SUCLA2: variants seen among roughly 807,000 people sequenced by gnomAD.
SUCLA2 encodes succinate-CoA ligase ADP-forming subunit beta.
A neutral mutation model predicts 54.8 loss-of-function variants in SUCLA2; 30 were observed. That is an observed-to-expected ratio of 0.55 (90% CI 0.41 to 0.74). The LOEUF is 0.74. Among genes scored for constraint, SUCLA2 ranks in the 30% least tolerant of loss-of-function variants. The pLI, the probability that SUCLA2 is intolerant of heterozygous loss-of-function variation, is 0.00. For missense variants in SUCLA2, 476 were observed against 562.9 expected, an observed-to-expected ratio of 0.85 and a Z score of 1.56; for synonymous variants, 172 against 188.9, an observed-to-expected ratio of 0.91 and a Z score of 0.74.
At chr13:47,996,461 T>A (rs1566093795) in intron 2 of SUCLA2, among the ~76,000 whole-genome samples, 2 of 152,088 alleles carry the variant, frequency 1.3e-5, no homozygotes, top group Non-Finnish European at 2.9e-5. Context: ...CCTCTCCTTA[T>A]AAGCACATAA....
intron 6 of SUCLA2, among the ~76,000 whole-genome samples, chr13:47,963,446 C>T (rs1010047858): frequency 1.3e-5 from 2 of 152,040 alleles, no homozygotes; most frequent in Admixed American, 6.6e-5. Flanking sequence ...GAGTTTGAGA[C>T]CAGCCTGGCT....
chr13:47,992,605 T>TAGAGG (rs1180438193), intron 2 of SUCLA2, among the ~76,000 whole-genome samples: 1 of 152,214 alleles, frequency 6.6e-6, no homozygotes, highest in Non-Finnish European at 1.5e-5. Flanking sequence ...TCATAGAACC[T>TAGAGG]GCAGTCTTAT....
rs897773339 is a variant in SUCLA2 at position 48,000,985 on chromosome 13, G to T, written c.90+195C>A. ...GGGATCCTCGCGGACTAAGGGCTGG[G>T]TCAGAGCCGCGCAAACATGGGCTCG... On this transcript the variant is annotated intron_variant, in intron 1 of 10. Transcript: ENST00000646932. 1.0e-5 allele frequency: 15 copies of T among 1,443,596 alleles called. No homozygotes were observed. The African/African-American group carries it at 1.8e-4, about 18-fold the overall frequency. 89.4% of individuals were successfully genotyped at this position (1,443,596 alleles called of 1,614,324 possible).
At chr13:47,994,058 C>A (rs368038518) in intron 2 of SUCLA2, among the ~76,000 whole-genome samples, 272 of 130,996 alleles carry the variant, frequency 2.1e-3, no homozygotes, top group East Asian at 3.1e-3. Flanking sequence ...AACTCCGTCT[C>A]AAAAAAAAAA....
Position 47,943,287 on chromosome 13 carries a change from A to T in SUCLA2, c.*84T>A. 1 of 1,392,158 alleles carries T rather than the reference A, an allele frequency of 7.2e-7. No homozygotes were observed. Among genetic ancestry groups the T allele is most frequent in the Non-Finnish European group, 1.0e-6 (1 of 980,164 alleles). The allele number at this position is 1,392,158 out of a possible 1,614,324, so 86.2% of individuals were successfully genotyped here. A position where few individuals can be genotyped will look rare whatever the true frequency, so the allele number is the denominator to read the frequency against. On this transcript the variant is annotated 3_prime_UTR_variant, in exon 11 of 11. Transcript: ENST00000646932. ...CAATTACAATCTCCACACACTAAAA[A>T]GAAAAAGAACAATAACACAGAACAC... is the stretch of plus-strand genomic sequence containing the variant.
intron 4 of SUCLA2, among the ~76,000 whole-genome samples, chr13:47,985,061 C>T (rs1950090370): frequency 6.6e-6 from 1 of 152,166 alleles, no homozygotes; most frequent in Admixed American, 6.5e-5. Flanking sequence ...AGAGTAGGTA[C>T]TTGAATTCAC....
chr13:47,999,391 G>A (rs1950211860), intron 1 of SUCLA2, among the ~76,000 whole-genome samples: 1 of 152,180 alleles, frequency 6.6e-6, no homozygotes, highest in African/African-American at 2.4e-5. Flanking sequence ...AGAAATTGGA[G>A]GAGGGTCAGA....
rs1950197800 is a variant in SUCLA2 at position 47,997,101 on chromosome 13, T to C, written c.91-78A>G. 4.1e-6 allele frequency: 6 copies of C among 1,460,208 alleles called. No individual in the cohort carries two copies. In the South Asian group the frequency reaches 6.9e-5, roughly 17 times the overall value. The allele number at this position is 1,460,208 out of a possible 1,614,324, so 90.5% of individuals were successfully genotyped here. A position where few individuals can be genotyped will look rare whatever the true frequency, so the allele number is the denominator to read the frequency against. ...TGCTAACTACTTGGTTCTTCATAAC[T>C]ATAACAAAACTGTTACATTACATTA... On this transcript the variant is annotated intron_variant, in intron 1 of 10. Coordinates refer to ENST00000646932, the MANE Select transcript of SUCLA2 (RefSeq NM_003850.3).
At chr13:47,974,609 A>G (rs1949993797) in intron 4 of SUCLA2, among the ~76,000 whole-genome samples, 1 of 152,164 alleles carries the variant, frequency 6.6e-6, no homozygotes, top group Admixed American at 6.6e-5. Context: ...AATACAATAA[A>G]TAAAAGAGAG....
intron 4 of SUCLA2, among the ~76,000 whole-genome samples, chr13:47,984,346 AC>A (rs1474763960): frequency 7.2e-6 from 1 of 139,502 alleles, no homozygotes; most frequent in Non-Finnish European, 1.6e-5. Context: ...GGCACCCCCC[AC>A]CACGCCCAGC....
At chr13:47,991,413 G>GCC (rs1950148116) in intron 2 of SUCLA2, 1 of 152,176 alleles carries the variant, frequency 6.6e-6, no homozygotes, top group African/African-American at 2.4e-5. Flanking sequence ...TGTGGGAAAA[G>GCC]CCCCCGATCC....
intron 8 of SUCLA2, among the ~76,000 whole-genome samples, chr13:47,951,920 A>G (rs1340326896): frequency 1.3e-5 from 2 of 151,636 alleles, no homozygotes; most frequent in Non-Finnish European, 2.9e-5. Context: ...GCAAGAAAAC[A>G]TACACCACAA....
chr13:47,970,644 G>A (rs1252343158), intron 5 of SUCLA2, among the ~76,000 whole-genome samples: 1 of 151,924 alleles, frequency 6.6e-6, no homozygotes, highest in Non-Finnish European at 1.5e-5. Context: ...GGCAGATCAT[G>A]AAGTTAGGAG....
chr13:47,953,931 G>C (rs1462177602), intron 8 of SUCLA2, among the ~76,000 whole-genome samples: 1 of 151,822 alleles, frequency 6.6e-6, no homozygotes, highest in African/African-American at 2.4e-5. Flanking sequence ...TATAATGACA[G>C]ATTACACAAA....
At chr13:47,983,096 G>A (rs558667051) in intron 4 of SUCLA2, among the ~76,000 whole-genome samples, 1 of 151,840 alleles carries the variant, frequency 6.6e-6, no homozygotes, top group South Asian at 2.1e-4. Flanking sequence ...TGGGCACTTA[G>A]TATTAGAACT....
intron 4 of SUCLA2, among the ~76,000 whole-genome samples, chr13:47,982,212 A>C (rs1242037092): frequency 6.6e-6 from 1 of 152,222 alleles, no homozygotes; most frequent in Non-Finnish European, 1.5e-5. Flanking sequence ...GTCCATCAAA[A>C]GATGAATGGA....
chr13:47,971,278 A>G (rs1171422368), intron 5 of SUCLA2, among the ~76,000 whole-genome samples: 1 of 151,934 alleles, frequency 6.6e-6, no homozygotes, highest in African/African-American at 2.4e-5. Flanking sequence ...TTAGCTGGGC[A>G]TGGTGGTGCA....
chr13:47,994,586 A>AC, intron 2 of SUCLA2, among the ~76,000 whole-genome samples: 1 of 151,906 alleles, frequency 6.6e-6, no homozygotes. Flanking sequence ...AAAAAAAAAA[A>AC]AAACCACGAA....
intron 2 of SUCLA2, among the ~76,000 whole-genome samples, chr13:47,993,434 T>C (rs1370655336): frequency 6.6e-6 from 1 of 152,206 alleles, no homozygotes; most frequent in African/African-American, 2.4e-5. Context: ...TGGGGACTCA[T>C]ATAGTCTTTT....
Sources: allele counts gnomAD v4.1 joint callset (sites outside exome capture counted in the v4.1 genomes callset), GRCh38; gene constraint gnomAD v4.1.1; transcripts MANE v1.5; gene names NCBI Gene and HGNC (gene_info 2026-07-23, HGNC 2026-07-21).